CACNA1I: variants seen among roughly 807,000 people sequenced by gnomAD.
CACNA1I encodes the protein voltage-dependent T-type calcium channel subunit alpha-1I.
In CACNA1I, 74 loss-of-function variants were observed where a neutral mutation model predicts 201.6. The ratio of observed to expected loss-of-function variants is 0.37; its 90% CI spans 0.30 to 0.45. The LOEUF is 0.45. Among genes scored for constraint, CACNA1I ranks in the 20% least tolerant of loss-of-function variants. The pLI, the probability that CACNA1I is intolerant of heterozygous loss-of-function variation, is 1.00. For missense variants in CACNA1I, 2,346 were observed against 3,138.1 expected (o/e 0.75, Z 6.03); for synonymous variants, 1,431 against 1,345.2 (o/e 1.06, Z -1.40).
intron 3 of CACNA1I, among the ~76,000 whole-genome samples, chr22:39,610,584 C>T (rs538556314): frequency 2.0e-5 from 3 of 152,258 alleles, no homozygotes; most frequent in South Asian, 4.1e-4. Flanking sequence ...AATCATGAAT[C>T]GGGAAGGACT....
chr22:39,664,882 C>T lies in CACNA1I; in HGVS notation c.3810C>T (p.Val1270=), dbSNP rs184194154. The T allele has an allele frequency of 6.2e-4, 998 of 1,612,996 alleles. 7 individuals are homozygous for T. In the African/African-American group the frequency reaches 0.012, roughly 19 times the overall value. ...ASAGGAKILG[V]LRVLRLLRTL... ...CCGGGGGAGCCAAGATCTTGGGGGTCCTCCGAGTCTTGCGGCTCCTGCGCA... is the reference window on the plus strand; with the variant it reads ...CCGGGGGAGCCAAGATCTTGGGGGTTCTCCGAGTCTTGCGGCTCCTGCGCA... Residue 1270 remains valine, a synonymous_variant, in exon 21 of 37, where the codon GTC becomes GTT. Transcript: ENST00000402142.
At chr22:39,616,721 G>T (rs1270982223) in intron 3 of CACNA1I, among the ~76,000 whole-genome samples, 1 of 147,550 alleles carries the variant, frequency 6.8e-6, no homozygotes, top group East Asian at 2.0e-4. Flanking sequence ...CTAAGATAGT[G>T]CCATTGCACT....
Position 39,676,221 on chromosome 22 carries a change from C to T in CACNA1I, c.4855-1120C>T, listed in dbSNP as rs188204170. On this transcript the variant is annotated intron_variant, in intron 29 of 36. Coordinates refer to ENST00000402142, the MANE Select transcript of CACNA1I (RefSeq NM_021096.4). This position sits in a 1 kb window ranked among gnomAD's most constrained non-coding sequence, Gnocchi z 4.8. ...GGGCACAAAGCTGAATTCCTAGAGC[C>T]GCGACCACGCCAGATCCTTCTCAGC... Among the ~76,000 whole-genome samples, 20 of 152,336 alleles carry T rather than the reference C, an allele frequency of 1.3e-4. No individual in the cohort carries two copies. The East Asian group carries it at 2.7e-3, about 21-fold the overall frequency.
chr22:39,623,624 C>CTG (rs368283839), intron 4 of CACNA1I, among the ~76,000 whole-genome samples: 10 of 113,388 alleles, frequency 8.8e-5, no homozygotes, highest in South Asian at 3.0e-4. Flanking sequence ...GTGTGTGTGC[C>CTG]TGTGTGTGTG....
At chr22:39,583,329 C>G (rs537967071) in intron 1 of CACNA1I, among the ~76,000 whole-genome samples, 1 of 150,002 alleles carries the variant, frequency 6.7e-6, no homozygotes, top group African/African-American at 2.5e-5. Context: ...TTCATCTATC[C>G]AACCATCCAT....
chr22:39,647,707 C>G (rs1934531098), intron 8 of CACNA1I, 115 bp from the exon 9 acceptor site: 1 of 741,804 alleles, frequency 1.3e-6, no homozygotes, highest in African/African-American at 1.7e-5. Flanking sequence ...AGCCACCGCC[C>G]CTGGCCAAGT....
rs1432512589 is a variant in CACNA1I, at chr22:39,662,155, C to A, written c.3092C>A (p.Pro1031His). The A allele has an allele frequency of 2.0e-6, 3 of 1,530,366 alleles. No individual in the cohort carries two copies. The highest frequency in any genetic ancestry group is 2.6e-5 in the East Asian group (1 of 38,462). The allele number at this position is 1,530,366 out of a possible 1,614,324, so 94.8% of individuals were successfully genotyped here. The change falls in exon 17 of 37, where the codon CCC becomes CAC. Residue 1031 changes from proline to histidine, a missense_variant. This residue lies in a region of CACNA1I where 288 missense variants were observed against 255.2 expected (regional missense o/e 1.13). Coordinates refer to ENST00000402142, the MANE Select transcript of CACNA1I (RefSeq NM_021096.4). ...AADEGPPRAA[P>H]LHTPHAHHIH... ...GACGAGGGGCCGCCGCGGGCCGCAC[C>A]CCTGCACACCCCACACGCCCACCAC...
intron 19 of CACNA1I, 58 bp from the exon 20 acceptor site, chr22:39,664,033 C>A: frequency 6.4e-7 from 1 of 1,567,794 alleles, no homozygotes. Flanking sequence ...CAGCGGCTGG[C>A]CAGTGGCCGG....
intron 20 of CACNA1I, 123 bp from the exon 21 acceptor site, chr22:39,664,616 A>ACC: frequency 1.9e-5 from 8 of 414,876 alleles, no homozygotes; most frequent in Admixed American, 6.1e-5. Context: ...CACTTGCAGG[A>ACC]CCCCGCCCCC....
In CACNA1I at chr22:39,672,292, C is replaced by A. The variant is rs372009981; in HGVS notation, c.4633C>A (p.Arg1545Ser). Residue 1545 changes from arginine to serine, a missense_variant, in exon 27 of 37, where the codon CGC (arginine) becomes AGC (serine). Arg to Ser is a moderately radical substitution (Grantham distance 110, BLOSUM62 -1). Coordinates refer to ENST00000402142, the MANE Select transcript of CACNA1I (RefSeq NM_021096.4). ...VLKLVAFGLR[R>S]FFKDRWNQLD... ...GAAGCTGGTGGCATTTGGTCTGAGG[C>A]GCTTCTTCAAGGACCGGTGAGTGGC... The A allele has an allele frequency of 1.2e-6, 2 of 1,612,106 alleles. No homozygotes were observed. The highest frequency in any genetic ancestry group is 3.3e-5 in the Admixed American group (2 of 59,984).
At chr22:39,608,605 G>A (rs189265951) in intron 3 of CACNA1I, among the ~76,000 whole-genome samples, 9 of 151,854 alleles carry the variant, frequency 5.9e-5, no homozygotes, top group Non-Finnish European at 8.8e-5. Flanking sequence ...TTGGCAGGCC[G>A]AGGTGGATGG....
chr22:39,679,710 CCGTCCG>C lies in CACNA1I; in HGVS notation c.5395-10_5395-5del. 1 of 1,607,116 alleles carries C rather than the reference CCGTCCG, an allele frequency of 6.2e-7. No homozygotes were observed. Among genetic ancestry groups the C allele is most frequent in the Non-Finnish European group, 8.5e-7 (1 of 1,176,572 alleles). On this transcript the variant is annotated splice_region_variant and splice_polypyrimidine_tract_variant and intron_variant, in intron 32 of 36. Coordinates refer to ENST00000402142, the MANE Select transcript of CACNA1I (RefSeq NM_021096.4). ...AATCCCGCCTGTCCCCACCCCGTCC[CCGTCCG>C]CCTAGGAGAACCTGTGGCTGGACAG...
rs1372648476 is a variant in CACNA1I, at chr22:39,676,141, T to C, written c.4855-1200T>C. On this transcript the variant is annotated intron_variant, in intron 29 of 36. Coordinates refer to ENST00000402142, the MANE Select transcript of CACNA1I (RefSeq NM_021096.4). This position sits in a 1 kb window ranked among gnomAD's most constrained non-coding sequence, Gnocchi z 4.8. ...ATGCTGACAGCAGGGAGGGGACAGA[T>C]AGAAAAGCTGACGGCAATCCTGGTT... Among the ~76,000 whole-genome samples the C allele has an allele frequency of 6.6e-6, 1 of 152,090 alleles. No individual in the cohort carries two copies. The highest frequency in any genetic ancestry group is 1.5e-5 in the Non-Finnish European group (1 of 68,014).
intron 10 of CACNA1I, among the ~76,000 whole-genome samples, chr22:39,657,635 G>A (rs541930000): frequency 1.8e-3 from 272 of 152,306 alleles, no homozygotes; most frequent in African/African-American, 6.3e-3. Flanking sequence ...AGGGACTGGC[G>A]TCCTGTGAAC....
In CACNA1I at chr22:39,647,833, A is replaced by G. The variant is rs1934535006; in HGVS notation, c.1474A>G (p.Lys492Glu). Residue 492 changes from lysine (K) to glutamate (E), a missense_variant, in exon 9 of 37, where the codon AAG becomes GAG. By Grantham distance (56) the Lys-to-Glu change is moderately conservative. Coordinates refer to ENST00000402142, the MANE Select transcript of CACNA1I (RefSeq NM_021096.4). The part of the protein sequence containing the change: ...KEPRHYHGKT[K>E]GQGDEGRHLG... Reference sequence around the variant, plus strand: ...TCTCCACTTTTCAGATGGGAAGACTAAGGGTCAGGGAGATGAAGGGAGACA... The same window carrying G: ...TCTCCACTTTTCAGATGGGAAGACTGAGGGTCAGGGAGATGAAGGGAGACA... 1 of 1,604,078 alleles carries G rather than the reference A, an allele frequency of 6.2e-7. No homozygotes were observed. The highest frequency in any genetic ancestry group is 8.5e-7 in the Non-Finnish European group (1 of 1,171,046).
rs556050357 is a variant in CACNA1I at position 39,611,434 on chromosome 22, G to T, written c.483-7876G>T. On this transcript the variant is annotated intron_variant, in intron 3 of 36. Coordinates refer to ENST00000402142, the MANE Select transcript of CACNA1I (RefSeq NM_021096.4). Reference sequence around the variant, plus strand: ...TCCAGAGGCTGAAATATAAGCCGTTGATTTGCCTCACTAGCCCTCAGAAAG... The same window carrying T: ...TCCAGAGGCTGAAATATAAGCCGTTTATTTGCCTCACTAGCCCTCAGAAAG... 6.2e-4 allele frequency among the ~76,000 whole-genome samples: 95 copies of T among 152,234 alleles called. 1 individual carries two copies. Among genetic ancestry groups the T allele is most frequent in the African/African-American group, 2.2e-3 (90 of 41,530 alleles).
At chr22:39,664,456 C>T (rs1053519602) in intron 20 of CACNA1I, among the ~76,000 whole-genome samples, 4 of 152,110 alleles carry the variant, frequency 2.6e-5, no homozygotes, top group African/African-American at 4.8e-5. Context: ...CCGTCTGGGG[C>T]GCTTCCCAGG....
chr22:39,582,849 C>T (rs1932600835), intron 1 of CACNA1I, among the ~76,000 whole-genome samples: 1 of 149,710 alleles, frequency 6.7e-6, no homozygotes, highest in Non-Finnish European at 1.5e-5. Context: ...TTCATCACTC[C>T]ATCCGTTCAT....
In CACNA1I at chr22:39,646,557, C is replaced by T. The variant is rs368639752; in HGVS notation, c.1150-12C>T. 31 of 1,531,492 alleles carry T rather than the reference C, an allele frequency of 2.0e-5. No individual in the cohort carries two copies. The highest frequency in any genetic ancestry group is 3.8e-5 in the South Asian group (3 of 79,236). The allele number at this position is 1,531,492 out of a possible 1,614,324, so 94.9% of individuals were successfully genotyped here. A position where few individuals can be genotyped will look rare whatever the true frequency, so the allele number is the denominator to read the frequency against. On this transcript the variant is annotated splice_polypyrimidine_tract_variant and intron_variant, in intron 7 of 36. Transcript: ENST00000402142. ...TGTCCCTGTCCCTGTCCTCTCCTCC[C>T]GTTGGTCACAGGTGGGCTCCTTCTT...
Sources: allele counts gnomAD v4.1 joint callset (sites outside exome capture counted in the v4.1 genomes callset), GRCh38; gene constraint gnomAD v4.1.1; regional missense constraint gnomAD v4.1.1; non-coding constraint Gnocchi (gnomAD v3.1); transcripts MANE v1.5; gene names NCBI Gene and HGNC (gene_info 2026-07-23, HGNC 2026-07-21).